Variants in KAZN observed in about 807,000 individuals in gnomAD.
The protein encoded by KAZN is kazrin.
KAZN carries 40 observed loss-of-function variants against 87.4 expected under a neutral mutation model. That is an observed-to-expected ratio of 0.46 (90% CI 0.36 to 0.60). The LOEUF is 0.60. Among genes scored for constraint, KAZN ranks in the 20% least tolerant of loss-of-function variants. The pLI is 0.00. For synonymous variants in KAZN, 466 were observed against 458.3 expected, an observed-to-expected ratio of 1.02 and a Z score of -0.22; for missense variants, 898 against 1,073.9, an observed-to-expected ratio of 0.84 and a Z score of 2.29.
Position 15,092,066 on chromosome 1 carries a change from T to TTG in KAZN, c.1223-2113_1223-2112insGT, listed in dbSNP as rs1324069294. On this transcript the variant is annotated intron_variant, in intron 8 of 14. Coordinates refer to ENST00000376030, the MANE Select transcript of KAZN (RefSeq NM_201628.3). ...TCAGAGGTTTTGTTTTTTTGTTTTT[T>TTG]TTTTTGATTTTTTTTTTTTTTTTTT... 1.9e-4 allele frequency among the ~76,000 whole-genome samples: 29 copies of TTG among 150,070 alleles called. No homozygotes were observed. In the South Asian group the frequency reaches 6.1e-3, roughly 32 times the overall value.
Position 13,921,699 on chromosome 1 carries a change from C to T in KAZN, c.91+27943C>T, listed in dbSNP as rs371436435. 4.6e-5 allele frequency among the ~76,000 whole-genome samples: 7 copies of T among 152,036 alleles called. No individual in the cohort carries two copies. In the East Asian group the frequency reaches 1.4e-3, roughly 30 times the overall value. On this transcript the variant is annotated intron_variant, in intron 1 of 16. Coordinates refer to the KAZN transcript ENST00000636203. ...GGAGTGCAGTGGTGTGACCTTGGCT[C>T]ACTGCAAGCTCCGCCTCCCGGGTTC...
At chr1:14,793,560 C>G (rs1334985638) in intron 1 of KAZN, among the ~76,000 whole-genome samples, 3 of 152,170 alleles carry the variant, frequency 2.0e-5, no homozygotes, top group Non-Finnish European at 4.4e-5. Flanking sequence ...AACAAGAGTA[C>G]CTGGTTATAG....
chr1:14,582,083 G>C (rs1179766399), intron 2 of KAZN, among the ~76,000 whole-genome samples: 2 of 151,788 alleles, frequency 1.3e-5, no homozygotes. Context: ...AATAGCATCT[G>C]ACATGTATTA....
intron 1 of KAZN, among the ~76,000 whole-genome samples, chr1:14,038,543 A>G (rs1291196576): frequency 6.6e-6 from 1 of 152,176 alleles, no homozygotes; most frequent in African/African-American, 2.4e-5. Flanking sequence ...CCTTTTCAAT[A>G]TACCTTTCAC....
intron 1 of KAZN, among the ~76,000 whole-genome samples, chr1:14,127,194 T>C (rs1644890912): frequency 6.6e-6 from 1 of 152,242 alleles, no homozygotes; most frequent in African/African-American, 2.4e-5. Flanking sequence ...GATTATACGT[T>C]GTTTCTTGCC....
At chr1:13,945,193 G>C (rs1641090288) in intron 1 of KAZN, among the ~76,000 whole-genome samples, 1 of 152,090 alleles carries the variant, frequency 6.6e-6, no homozygotes, top group South Asian at 2.1e-4. Context: ...TTATGTGCAG[G>C]CTGGGCGTGG....
Position 15,081,482 on chromosome 1 carries a change from T to G in KAZN, c.1223-12698T>G, listed in dbSNP as rs564295626. ...TTATGGTCTGGTGGGAGACACAGAC[T>G]TTCATCGAATAATTACACAACTGTT... On this transcript the variant is annotated intron_variant, in intron 8 of 14. Transcript: ENST00000376030. This position sits in a 1 kb window ranked among gnomAD's most constrained non-coding sequence, Gnocchi z 4.1. 6.6e-6 allele frequency among the ~76,000 whole-genome samples: 1 copy of G among 152,300 alleles called. No individual in the cohort carries two copies. The highest frequency in any genetic ancestry group is 2.4e-5 in the African/African-American group (1 of 41,564).
intron 2 of KAZN, among the ~76,000 whole-genome samples, chr1:14,272,152 C>T (rs887563121): frequency 2.6e-5 from 4 of 152,176 alleles, no homozygotes; most frequent in Non-Finnish European, 5.9e-5. Flanking sequence ...TAACAAATTA[C>T]CCCCAAACTC....
chr1:14,705,238 T>G (rs1642149102), intron 1 of KAZN, among the ~76,000 whole-genome samples: 1 of 152,206 alleles, frequency 6.6e-6, no homozygotes, highest in South Asian at 2.1e-4. Context: ...TCAGTCAGAT[T>G]GGATTACAGC....
chr1:14,246,063 A>C (rs1461340365), intron 2 of KAZN, among the ~76,000 whole-genome samples: 1 of 152,238 alleles, frequency 6.6e-6, no homozygotes, highest in Non-Finnish European at 1.5e-5. Flanking sequence ...CATTATCCTA[A>C]GCAAAGTAAT....
intron 1 of KAZN, among the ~76,000 whole-genome samples, chr1:14,922,533 G>A (rs1039995564): frequency 3.3e-5 from 5 of 151,966 alleles, no homozygotes; most frequent in Non-Finnish European, 7.4e-5. Flanking sequence ...GTCCTCTGGC[G>A]CAGTTAAAAG....
chr1:14,971,661 G>GTTT (rs111599289), intron 2 of KAZN, among the ~76,000 whole-genome samples: 19 of 116,532 alleles, frequency 1.6e-4, no homozygotes, highest in African/African-American at 4.9e-4. Context: ...ACCAGGAGTT[G>GTTT]TTTTTTTTTT....
chr1:14,623,017 A>G (rs1678837172), intron 1 of KAZN, among the ~76,000 whole-genome samples: 1 of 152,144 alleles, frequency 6.6e-6, no homozygotes, highest in Non-Finnish European at 1.5e-5. Flanking sequence ...GTGGGAATAT[A>G]AATTAGTTCA....
chr1:14,541,172 G>A (rs910653234), intron 2 of KAZN, among the ~76,000 whole-genome samples: 13 of 152,124 alleles, frequency 8.5e-5, no homozygotes, highest in Admixed American at 5.9e-4. Flanking sequence ...TCTGTCAACC[G>A]ATCTCACGGA....
chr1:14,299,234 G>T (rs1180260687), intron 2 of KAZN, among the ~76,000 whole-genome samples: 1 of 152,206 alleles, frequency 6.6e-6, no homozygotes, highest in Admixed American at 6.5e-5. Context: ...CAAGTGTGGT[G>T]GTTCATGCCT....
chr1:14,765,058 G>T (rs554476773), intron 1 of KAZN, among the ~76,000 whole-genome samples: 71 of 152,280 alleles, frequency 4.7e-4, no homozygotes, highest in African/African-American at 1.7e-3. Context: ...TCCAAGACTA[G>T]TGCTTCTCTC....
chr1:14,438,541 G>A (rs1350841901), intron 2 of KAZN, among the ~76,000 whole-genome samples: 1 of 152,244 alleles, frequency 6.6e-6, no homozygotes, highest in African/African-American at 2.4e-5. Flanking sequence ...GGAGCAGCCA[G>A]TGCAAAGGCC....
In KAZN at chr1:14,773,871, T is replaced by C. The variant is rs552425505; in HGVS notation, c.226+174648T>C. On this transcript the variant is annotated intron_variant, in intron 1 of 14. Transcript: ENST00000376030. The surrounding 1 kb of genome is among the most constrained non-coding windows in gnomAD (Gnocchi z 5.9). ...GAAAACACCATCTTTCCAGGACTGA[T>C]GGCACTGAGGGAAGCTTGAAGGAAA... is the stretch of plus-strand genomic sequence containing the variant. Among the ~76,000 whole-genome samples, 4 of 152,184 alleles carry C rather than the reference T, an allele frequency of 2.6e-5. No homozygotes were observed. Among genetic ancestry groups the C allele is most frequent in the Non-Finnish European group, 5.9e-5 (4 of 68,034 alleles).
chr1:14,786,033 T>G (rs951577482), intron 1 of KAZN, among the ~76,000 whole-genome samples: 3 of 152,000 alleles, frequency 2.0e-5, no homozygotes, highest in African/African-American at 7.3e-5. Flanking sequence ...TAGAATCCAG[T>G]GACCTCCTTA....
Sources: gnomAD v4.1 joint callset for allele counts (sites outside exome capture counted in the v4.1 genomes callset) on GRCh38, gnomAD v4.1.1 for gene constraint, Gnocchi (gnomAD v3.1) non-coding constraint, MANE v1.5 for transcripts, NCBI Gene and HGNC (gene_info 2026-07-23, HGNC 2026-07-21) for gene names.